Variants in ANGPTL1 observed in about 807,000 individuals in gnomAD.
ANGPTL1 encodes the protein angiopoietin like 1, also known as angiopoietin-related protein 1.
Under a neutral mutation model 46.7 loss-of-function variants are expected in ANGPTL1, and 36 were observed. The observed-to-expected ratio is 0.77, with a 90% CI of 0.59 to 1.02. The LOEUF (loss-of-function observed/expected upper bound fraction) is 1.02. Among genes scored for constraint, ANGPTL1 ranks in the 50% least tolerant of loss-of-function variants. The probability of loss-of-function intolerance (pLI) is 0.00; values close to 1 mark genes in which losing one functional copy is unlikely to be tolerated. For missense variants in ANGPTL1, 571 were observed against 594.7 expected (o/e 0.96, Z 0.41); for synonymous variants, 221 against 204.3 (o/e 1.08, Z -0.69).
At chr1:178,856,200 G>GATAT (rs1348083361) in intron 3 of ANGPTL1, among the ~76,000 whole-genome samples, 67 of 40,908 alleles carry the variant, frequency 1.6e-3, no homozygotes, top group African/African-American at 5.0e-3. Flanking sequence ...CAGAGAGAGA[G>GATAT]AGATATATAT....
intron 3 of ANGPTL1, among the ~76,000 whole-genome samples, chr1:178,860,785 T>C (rs562726686): frequency 6.6e-6 from 1 of 152,312 alleles, no homozygotes; most frequent in South Asian, 2.1e-4. Flanking sequence ...AATGACCATG[T>C]ACCTCCATGT....
At chr1:178,867,417 T>G (rs1658484734) in intron 2 of ANGPTL1, among the ~76,000 whole-genome samples, 1 of 152,092 alleles carries the variant, frequency 6.6e-6, no homozygotes, top group Admixed American at 6.6e-5. Context: ...TTTATGTAGC[T>G]TAACACATGT....
chr1:178,856,394 ATTTTTTTTTTTT>A (rs71108081), intron 3 of ANGPTL1, among the ~76,000 whole-genome samples: 16 of 36,430 alleles, frequency 4.4e-4, no homozygotes, highest in Admixed American at 2.2e-3. Flanking sequence ...TGCCTGGCTA[ATTTTTTTTTTTT>A]TTTTTTTTTT....
At chr1:178,853,030 A>G (rs1245732331) in intron 4 of ANGPTL1, 77 bp from the exon 5 acceptor site, 3 of 1,507,116 alleles carry the variant, frequency 2.0e-6, no homozygotes, top group South Asian at 1.4e-5. Context: ...AGTGTTAAAC[A>G]TTCGATAGCA....
rs71108081 is a variant in ANGPTL1 at position 178,856,394 on chromosome 1, A to ATT, written c.824-2609_824-2608dup. On this transcript the variant is annotated intron_variant, in intron 3 of 5. Transcript: ENST00000234816. ...AGGCAAGTGCCACCCTGCCTGGCTA[A>ATT]TTTTTTTTTTTTTTTTTTTTTTTTT... Among the ~76,000 whole-genome samples the ATT allele has an allele frequency of 5.4e-3, 197 of 36,424 alleles. 16 individuals carry two copies. The highest frequency in any genetic ancestry group is 0.012 in the East Asian group (14 of 1,152). 23.9% of individuals were successfully genotyped at this position (36,424 alleles called of 152,430 possible).
At chr1:178,860,207 C>G (rs1657905081) in intron 3 of ANGPTL1, among the ~76,000 whole-genome samples, 1 of 151,910 alleles carries the variant, frequency 6.6e-6, no homozygotes. Context: ...AAAGACTAAC[C>G]CAAAATGCAG....
intron 3 of ANGPTL1, among the ~76,000 whole-genome samples, chr1:178,856,323 G>A (rs928643572): frequency 6.9e-6 from 1 of 144,540 alleles, no homozygotes; most frequent in South Asian, 2.2e-4. Flanking sequence ...GAACTTCTGG[G>A]CTCAAGTGAT....
rs1434660540 is a variant in ANGPTL1 at position 178,853,919 on chromosome 1, A to G, written c.824-132T>C. On this transcript the variant is annotated intron_variant, in intron 3 of 5. Transcript: ENST00000234816. The stretch of plus-strand genomic sequence containing the variant: ...TTGTTTATCATATATACAATATTAT[A>G]AAATATAACTAAATAAAAGGGTGAC... 7 of 538,098 alleles carry G rather than the reference A, an allele frequency of 1.3e-5. No individual in the cohort carries two copies. The Admixed American group carries it at 2.8e-4, about 22-fold the overall frequency. The allele number at this position is 538,098 out of a possible 1,614,324, so 33.3% of individuals were successfully genotyped here. A position where few individuals can be genotyped will look rare whatever the true frequency, so the allele number is the denominator to read the frequency against.
At position 178,871,001 on chromosome 1, in the gene ANGPTL1, G is replaced by A. The variant is rs1658723294; in HGVS notation, c.-397C>T. On this transcript the variant is annotated 5_prime_UTR_variant, in exon 1 of 6. Transcript: ENST00000234816. The stretch of plus-strand genomic sequence containing the variant: ...GGCCGTCTTTAATCCAGCAGAGAAA[G>A]CGTTGTGGCTTTGCTCTGTCTGCCA... 6.6e-6 allele frequency: 1 copy of A among 152,214 alleles called. No individual in the cohort carries two copies. Among genetic ancestry groups the A allele is most frequent in the Non-Finnish European group, 1.5e-5 (1 of 68,052 alleles). 9.4% of individuals were successfully genotyped at this position (152,214 alleles called of 1,614,324 possible).
rs183659438 is a variant in ANGPTL1, at chr1:178,853,520, A to G, written c.1017+74T>C. The G allele has an allele frequency of 4.2e-5, 50 of 1,190,690 alleles. No homozygotes were observed. In the Admixed American group the frequency reaches 6.8e-4, roughly 16 times the overall value. 73.8% of individuals were successfully genotyped at this position (1,190,690 alleles called of 1,614,324 possible). ...TTTAACTGTGTGTCTTATTTATTGC[A>G]TAGCATCTTGTTTCTTGCATTATTG... On this transcript the variant is annotated intron_variant, in intron 4 of 5. Transcript: ENST00000234816.
At position 178,864,939 on chromosome 1, in the gene ANGPTL1, T is replaced by A. The variant is rs1365771442; in HGVS notation, c.823+15A>T. ...AACCTCATACTCCCACTTTTTACAG[T>A]AAGAGGTAACTCACCTTCATTGATG... On this transcript the variant is annotated intron_variant, in intron 3 of 5. Transcript: ENST00000234816. 7.0e-7 allele frequency: 1 copy of A among 1,422,994 alleles called. No homozygotes were observed. Among genetic ancestry groups the A allele is most frequent in the African/African-American group, 1.4e-5 (1 of 70,174 alleles). The allele number at this position is 1,422,994 out of a possible 1,614,324, so 88.1% of individuals were successfully genotyped here.
intron 2 of ANGPTL1, among the ~76,000 whole-genome samples, chr1:178,868,084 C>T (rs1658530194): frequency 6.6e-6 from 1 of 151,946 alleles, no homozygotes; most frequent in South Asian, 2.1e-4. Context: ...CTTTTGCTGA[C>T]TGATAGCCAA....
chr1:178,855,468 TA>T (rs1657472044), intron 3 of ANGPTL1, among the ~76,000 whole-genome samples: 1 of 152,094 alleles, frequency 6.6e-6, no homozygotes, highest in African/African-American at 2.4e-5. Flanking sequence ...AGTTCATTGA[TA>T]TTTTTCTCTT....
At chr1:178,855,288 G>A (rs908845319) in intron 3 of ANGPTL1, among the ~76,000 whole-genome samples, 3 of 144,810 alleles carry the variant, frequency 2.1e-5, no homozygotes, top group Non-Finnish European at 4.4e-5. Context: ...GTTCCGTGAG[G>A]ACAGAGACTT....
At chr1:178,851,753 T>C (rs2102292486) in intron 5 of ANGPTL1, among the ~76,000 whole-genome samples, 1 of 152,232 alleles carries the variant, frequency 6.6e-6, no homozygotes, top group South Asian at 2.1e-4. Context: ...AAATAAGACA[T>C]ATGTTATGGT....
intron 2 of ANGPTL1, among the ~76,000 whole-genome samples, chr1:178,868,263 G>T (rs943126267): frequency 6.6e-6 from 1 of 151,700 alleles, no homozygotes; most frequent in African/African-American, 2.4e-5. Flanking sequence ...CTCCAGATTC[G>T]TGGAATTTAG....
chr1:178,851,255 T>G lies in ANGPTL1; in HGVS notation c.1350A>C (p.Leu450=). The G allele has an allele frequency of 6.2e-7, 1 of 1,613,980 alleles. No homozygotes were observed. Among genetic ancestry groups the G allele is most frequent in the Non-Finnish European group, 8.5e-7 (1 of 1,179,874 alleles). Residue 450 remains leucine (L), a synonymous_variant, in exon 6 of 6, where the codon CTA becomes CTC. Coordinates refer to ENST00000234816, the MANE Select transcript of ANGPTL1 (RefSeq NM_004673.4). ...WWYNACAHSN[L]NGVWYRGGHY... ...GGCCTCCTCTGTACCATACTCCATT[T>G]AGGTTAGAATGTGCACAGGCATTGT... is the stretch of plus-strand genomic sequence containing the variant.
chr1:178,864,713 T>C (rs962283973), intron 3 of ANGPTL1, among the ~76,000 whole-genome samples: 1 of 152,134 alleles, frequency 6.6e-6, no homozygotes, highest in Admixed American at 6.6e-5. Flanking sequence ...ATCATAAGAA[T>C]TTGGATGGAA....
chr1:178,857,182 C>T (rs1035727545), intron 3 of ANGPTL1, among the ~76,000 whole-genome samples: 1 of 152,196 alleles, frequency 6.6e-6, no homozygotes, highest in African/African-American at 2.4e-5. Context: ...TAGATTATTG[C>T]GTGTAATGCA....
Sources: allele counts gnomAD v4.1 joint callset (sites outside exome capture counted in the v4.1 genomes callset), GRCh38; gene constraint gnomAD v4.1.1; transcripts MANE v1.5; gene names NCBI Gene and HGNC (gene_info 2026-07-23, HGNC 2026-07-21).